The following CEP63 variants were observed in gnomAD, a reference collection of about 807,000 sequenced individuals.
CEP63 encodes centrosomal protein of 63 kDa.
Under a neutral mutation model 89.1 loss-of-function variants are expected in CEP63, and 84 were observed. The ratio of observed to expected loss-of-function variants is 0.94; its 90% CI spans 0.79 to 1.13. The LOEUF is 1.13. CEP63 is among the 50% of genes most tolerant of loss of function. The pLI is 0.00. For synonymous variants in CEP63, 267 were observed against 272.5 expected (o/e 0.98, Z 0.20); for missense variants, 838 against 813.3 (o/e 1.03, Z -0.37).
chr3:134,690,960 G>C, the CEP63 span, among the ~76,000 whole-genome samples: 1 of 152,090 alleles, frequency 6.6e-6, no homozygotes, highest in Non-Finnish European at 1.5e-5. Flanking sequence ...TGTTGGTCAG[G>C]CTGGTCTCAA....
chr3:134,775,239 T>C, the CEP63 span, among the ~76,000 whole-genome samples: 2 of 152,134 alleles, frequency 1.3e-5, no homozygotes, highest in Non-Finnish European at 2.9e-5. Flanking sequence ...AATAGTGTCC[T>C]CAGGGAAGAG....
At chr3:134,550,632 A>G (rs1363860529) in intron 11 of CEP63, among the ~76,000 whole-genome samples, 1 of 152,234 alleles carries the variant, frequency 6.6e-6, no homozygotes, top group Non-Finnish European at 1.5e-5. Flanking sequence ...AAGAGAGAGT[A>G]GAAACACGCT....
At chr3:134,609,720 A>C in the CEP63 span, among the ~76,000 whole-genome samples, 11 of 152,218 alleles carry the variant, frequency 7.2e-5, no homozygotes, top group African/African-American at 1.7e-4. Context: ...CCCCTTCCCC[A>C]AAAACCACAG....
At chr3:134,768,715 A>G in the CEP63 span, among the ~76,000 whole-genome samples, 2 of 152,202 alleles carry the variant, frequency 1.3e-5, no homozygotes, top group Non-Finnish European at 2.9e-5. Flanking sequence ...AATGTCTTTT[A>G]ACATTCTATC....
downstream of CEP63, among the ~76,000 whole-genome samples, chr3:134,565,198 T>C (rs891574098): frequency 1.3e-5 from 2 of 152,196 alleles, no homozygotes; most frequent in Non-Finnish European, 2.9e-5. Context: ...TGAATTTTCA[T>C]CTGGATTCCT....
At chr3:134,645,020 A>G in the CEP63 span, among the ~76,000 whole-genome samples, 1 of 152,242 alleles carries the variant, frequency 6.6e-6, no homozygotes, top group African/African-American at 2.4e-5. Flanking sequence ...GAGGGAGGAA[A>G]CAAGATCCGG....
At chr3:134,501,470 TG>T (rs1405779636) in intron 2 of CEP63, among the ~76,000 whole-genome samples, 1 of 152,244 alleles carries the variant, frequency 6.6e-6, no homozygotes, top group Non-Finnish European at 1.5e-5. Flanking sequence ...GAGCATGGAA[TG>T]TTTTTCTATT....
chr3:134,592,505 T>TGTGG, downstream of CEP63, among the ~76,000 whole-genome samples: 1 of 151,058 alleles, frequency 6.6e-6, no homozygotes, highest in Non-Finnish European at 1.5e-5. Flanking sequence ...TGTGTGTGTG[T>TGTGG]GTGTGTGTGT....
At chr3:134,716,094 T>C in the CEP63 span, among the ~76,000 whole-genome samples, 3 of 152,332 alleles carry the variant, frequency 2.0e-5, no homozygotes, top group African/African-American at 4.8e-5. Flanking sequence ...ACTCAATTTA[T>C]GTTCCTTTAA....
chr3:134,506,647 G>A (rs746567677), intron 2 of CEP63, among the ~76,000 whole-genome samples: 6 of 152,186 alleles, frequency 3.9e-5, no homozygotes, highest in Admixed American at 2.6e-4. Flanking sequence ...GGCCGGGCAC[G>A]GTGGCTCACA....
At chr3:134,654,033 A>G in the CEP63 span, among the ~76,000 whole-genome samples, 2 of 152,208 alleles carry the variant, frequency 1.3e-5, no homozygotes, top group South Asian at 2.1e-4. Flanking sequence ...AATCAAAATG[A>G]GTGGGAATTC....
the CEP63 span, among the ~76,000 whole-genome samples, chr3:134,646,329 G>A: frequency 6.6e-6 from 1 of 152,166 alleles, no homozygotes; most frequent in Admixed American, 6.5e-5. Context: ...GCAGTGGTGG[G>A]GTGGGGATGG....
At chr3:134,548,832 C>T (rs1342487671) in intron 9 of CEP63, among the ~76,000 whole-genome samples, 1 of 152,188 alleles carries the variant, frequency 6.6e-6, no homozygotes, top group African/African-American at 2.4e-5. Context: ...TATGTGTACT[C>T]TTCCGTTTGA....
intron 3 of CEP63, among the ~76,000 whole-genome samples, chr3:134,527,716 G>C (rs1948953287): frequency 6.6e-6 from 1 of 152,172 alleles, no homozygotes; most frequent in Non-Finnish European, 1.5e-5. Context: ...GTCAGGCATA[G>C]TCTGCCAGCA....
the CEP63 span, among the ~76,000 whole-genome samples, chr3:134,716,895 C>T: frequency 9.4e-5 from 14 of 149,136 alleles, no homozygotes; most frequent in South Asian, 2.2e-4. Context: ...TACAAAAGGA[C>T]GGATGCACAT....
the CEP63 span, among the ~76,000 whole-genome samples, chr3:134,727,641 C>A: frequency 6.6e-6 from 1 of 152,188 alleles, no homozygotes. Flanking sequence ...TGAAGTCAAT[C>A]TATAGACTTC....
At chr3:134,629,365 T>C in the CEP63 span, 2 of 478,540 alleles carry the variant, frequency 4.2e-6, no homozygotes. Flanking sequence ...AACAACACTC[T>C]TGTGATGCAA....
At chr3:134,675,434 A>G in the CEP63 span, among the ~76,000 whole-genome samples, 1 of 152,262 alleles carries the variant, frequency 6.6e-6, no homozygotes, top group Non-Finnish European at 1.5e-5. Flanking sequence ...AACTCTTAGA[A>G]GAAAACATAG....
At chr3:134,671,701 G>A in the CEP63 span, among the ~76,000 whole-genome samples, 7 of 152,246 alleles carry the variant, frequency 4.6e-5, no homozygotes, top group African/African-American at 1.7e-4. Context: ...AGCTGCAGGA[G>A]TGTCTGCTGC....
Sources: gnomAD v4.1 joint callset for allele counts (sites outside exome capture counted in the v4.1 genomes callset) on GRCh38, gnomAD v4.1.1 for gene constraint, MANE v1.5 for transcripts, NCBI Gene and HGNC (gene_info 2026-07-23, HGNC 2026-07-21) for gene names.